CNGB1: variants seen among roughly 807,000 people sequenced by gnomAD.
The protein encoded by CNGB1 is cyclic nucleotide gated channel subunit beta 1.
A neutral mutation model predicts 151.7 loss-of-function variants in CNGB1; 126 were observed. That is an observed-to-expected ratio of 0.83 (90% confidence interval 0.72 to 0.96). CNGB1 has a LOEUF of 0.96. CNGB1 is among the 40% of genes least tolerant of loss of function. The probability of loss-of-function intolerance (pLI) is 0.00; values close to 1 mark genes in which losing one functional copy is unlikely to be tolerated. For synonymous variants in CNGB1, 623 were observed against 635.1 expected (o/e 0.98, Z 0.29); for missense variants, 1,698 against 1,627.0 (o/e 1.04, Z -0.75).
In CNGB1 at chr16:57,963,069, G is replaced by A. The variant is rs372308762; in HGVS notation, c.291-5C>T. On this transcript the variant is annotated splice_polypyrimidine_tract_variant and splice_region_variant and intron_variant, in intron 4 of 32. Transcript: ENST00000251102. ...GTCAGTACCCTGCGGCTGGGACTGCGATGGACAGAGACACCAGCCCGCCCT... is the reference window on the plus strand; with the variant it reads ...GTCAGTACCCTGCGGCTGGGACTGCAATGGACAGAGACACCAGCCCGCCCT... The A allele has an allele frequency of 3.5e-5, 57 of 1,607,220 alleles. No individual in the cohort carries two copies. Among genetic ancestry groups the A allele is most frequent in the Admixed American group, 8.3e-5 (5 of 59,998 alleles).
At position 57,883,440 on chromosome 16, in the gene CNGB1, CTT is replaced by C. The variant is rs1308339112; in HGVS notation, c.*722_*723del. 6.5e-6 allele frequency: 1 copy of C among 153,530 alleles called. No individual in the cohort carries two copies. Among genetic ancestry groups the C allele is most frequent in the Non-Finnish European group, 1.4e-5 (1 of 69,134 alleles). The allele number at this position is 153,530 out of a possible 1,614,324, so 9.5% of individuals were successfully genotyped here. A position where few individuals can be genotyped will look rare whatever the true frequency, so the allele number is the denominator to read the frequency against. On this transcript the variant is annotated 3_prime_UTR_variant, in exon 33 of 33. Transcript: ENST00000251102. Reference sequence around the variant, plus strand: ...GATGTGAACCACTGTGCAGGGCTATCTTTTAGTTTTTTTGAGACAGGGTCTCA... The same window carrying C: ...GATGTGAACCACTGTGCAGGGCTATCTTAGTTTTTTTGAGACAGGGTCTCA...
intron 14 of CNGB1, among the ~76,000 whole-genome samples, chr16:57,947,809 C>A (rs1567391210): frequency 6.6e-6 from 1 of 152,210 alleles, no homozygotes; most frequent in Admixed American, 6.5e-5. Context: ...GGGGCACTTA[C>A]TCCCCTACAA....
Position 57,904,927 on chromosome 16 carries a change from G to GT in CNGB1, c.2493-53_2493-52insA, listed in dbSNP as rs148084761. 1,859 of 1,610,726 alleles carry GT rather than the reference G, an allele frequency of 1.2e-3. 7 individuals are homozygous for GT. The highest frequency in any genetic ancestry group is 0.01 in the East Asian group (465 of 44,862). ...GGGTCATCACAGGCCCCACTCTGCC[G>GT]CCCCGAGCAGTCTGGCTCAGACGCC... is the stretch of plus-strand genomic sequence containing the variant. On this transcript the variant is annotated intron_variant, in intron 25 of 32. Coordinates refer to ENST00000251102, the MANE Select transcript of CNGB1 (RefSeq NM_001297.5).
At chr16:57,948,292 C>A (rs1009298967) in intron 14 of CNGB1, among the ~76,000 whole-genome samples, 1 of 150,348 alleles carries the variant, frequency 6.7e-6, no homozygotes, top group African/African-American at 2.5e-5. Context: ...GCTTTTGAGG[C>A]AGTCCTTCTT....
At chr16:57,944,743 T>C (rs1439623041) in intron 14 of CNGB1, among the ~76,000 whole-genome samples, 1 of 151,038 alleles carries the variant, frequency 6.6e-6, no homozygotes, top group Non-Finnish European at 1.5e-5. Context: ...TCACTTGAGG[T>C]CAGAAGTTTG....
intron 12 of CNGB1, chr16:57,954,603 G>T: frequency 1.1e-6 from 1 of 880,226 alleles, no homozygotes; most frequent in Non-Finnish European, 1.4e-6. Flanking sequence ...GGGCTATTCA[G>T]TCCACCCACT....
intron 14 of CNGB1, among the ~76,000 whole-genome samples, chr16:57,947,231 A>G (rs1961832468): frequency 6.6e-6 from 1 of 152,246 alleles, no homozygotes; most frequent in Non-Finnish European, 1.5e-5. Flanking sequence ...CTGCACATGC[A>G]TGTATGTGAG....
rs528924723 is a variant in CNGB1, at chr16:57,938,047, C to T, written c.1372+1383G>A. Among the ~76,000 whole-genome samples, 10 of 152,290 alleles carry T rather than the reference C, an allele frequency of 6.6e-5. No individual in the cohort carries two copies. In the South Asian group the frequency reaches 1.5e-3, roughly 22 times the overall value. ...AGTCTGATTTAGCAGGTCTGGATCG[C>T]GGCCCAAGTTACTCATTTCTAACCA... On this transcript the variant is annotated intron_variant, in intron 16 of 32. Coordinates refer to ENST00000251102, the MANE Select transcript of CNGB1 (RefSeq NM_001297.5).
At chr16:57,888,386 T>G (rs1174172692) in intron 31 of CNGB1, among the ~76,000 whole-genome samples, 1 of 152,134 alleles carries the variant, frequency 6.6e-6, no homozygotes, top group Non-Finnish European at 1.5e-5. Context: ...TTCCTTCCTT[T>G]CTGTCTCTCT....
intron 8 of CNGB1, 115 bp downstream of exon 8, chr16:57,960,725 C>T: frequency 2.3e-6 from 3 of 1,327,412 alleles, no homozygotes; most frequent in East Asian, 2.5e-5. Context: ...GGGGCATCGC[C>T]CCCTCATGAG....
At chr16:57,949,526 C>T in intron 13 of CNGB1, 87 bp from the exon 14 acceptor site, 1 of 1,597,042 alleles carries the variant, frequency 6.3e-7, no homozygotes, top group East Asian at 2.2e-5. Flanking sequence ...GTAGGATGTC[C>T]CATGACACCT....
rs773706878 is a variant in CNGB1, at chr16:57,967,243, G to C, written c.44C>G (p.Thr15Ser). The change falls in exon 2 of 33, where the codon ACC (threonine) becomes AGC (serine). Residue 15 changes from threonine (T) to serine (S), a missense_variant. By Grantham distance (58) the Thr-to-Ser change is moderately conservative. Coordinates refer to ENST00000251102, the MANE Select transcript of CNGB1 (RefSeq NM_001297.5). ...CTCCTGCATCTTGGTCTTCCGAGGG[G>C]TCCCTGGGGGCTGAGGCAGCACCCT... is the stretch of plus-strand genomic sequence containing the variant. Reference protein sequence around the residue: ...VQRVLPQPPGTPRKTKMQEEE... With the variant: ...VQRVLPQPPGSPRKTKMQEEE... 2 of 1,614,146 alleles carry C rather than the reference G, an allele frequency of 1.2e-6. No individual in the cohort carries two copies. Among genetic ancestry groups the C allele is most frequent in the South Asian group, 2.2e-5 (2 of 91,074 alleles).
chr16:57,933,431 T>C (rs2149373005), intron 16 of CNGB1, among the ~76,000 whole-genome samples: 1 of 152,316 alleles, frequency 6.6e-6, no homozygotes, highest in Middle Eastern at 3.4e-3. Flanking sequence ...TCCCACATTC[T>C]GAGAATCAGG....
chr16:57,897,691 G>A, intron 30 of CNGB1, 105 bp downstream of exon 30: 3 of 1,512,832 alleles, frequency 2.0e-6, no homozygotes, highest in Non-Finnish European at 2.8e-6. Context: ...ATCAGCAGGT[G>A]CCAGTGCTGC....
intron 12 of CNGB1, chr16:57,955,468 A>C: frequency 1.0e-6 from 1 of 990,152 alleles, no homozygotes; most frequent in South Asian, 1.4e-5. Context: ...GGGGAAGGTA[A>C]GGGACACATA....
rs561430118 is a variant in CNGB1 at position 57,884,181 on chromosome 16, C to T, written c.3739G>A (p.Glu1247Lys). The change falls in exon 33 of 33, where the codon GAG (glutamate) becomes AAG (lysine). Residue 1247 changes from glutamate to lysine, a missense_variant. Physicochemically the swap from Glu to Lys is moderately conservative, Grantham distance 56 (BLOSUM62 1). Coordinates refer to ENST00000251102, the MANE Select transcript of CNGB1 (RefSeq NM_001297.5). The part of the protein sequence containing the change: ...ILSVKMPEER[E>K]EKAE ...ACCCCACCTTACTCCGCCTTCTCCTCCCTTTCCTCCGGCATCTTCACCGAC... is the reference window on the plus strand; with the variant it reads ...ACCCCACCTTACTCCGCCTTCTCCTTCCTTTCCTCCGGCATCTTCACCGAC... 6.2e-7 allele frequency: 1 copy of T among 1,614,068 alleles called. No homozygotes were observed. The highest frequency in any genetic ancestry group is 8.5e-7 in the Non-Finnish European group (1 of 1,179,932).
Position 57,887,880 on chromosome 16 carries a change from G to A in CNGB1, c.3437C>T (p.Ala1146Val). 1 of 1,614,160 alleles carries A rather than the reference G, an allele frequency of 6.2e-7. No individual in the cohort carries two copies. Among genetic ancestry groups the A allele is most frequent in the Non-Finnish European group, 8.5e-7 (1 of 1,180,032 alleles). The change falls in exon 32 of 33, where the codon GCA becomes GTA. Residue 1146 changes from alanine to valine, a missense_variant. Ala to Val is a moderately conservative substitution (Grantham distance 64, BLOSUM62 0). Transcript: ENST00000251102. ...LKELAALEAA[A>V]KQQELVEQAK... ...CTGTTCCACCAACTCTTGCTGCTTT[G>A]CAGCCGCCTCCAGCGCGGCCAGTTC... is the stretch of plus-strand genomic sequence containing the variant.
At chr16:57,890,781 A>G (rs1242596652) in intron 31 of CNGB1, among the ~76,000 whole-genome samples, 1 of 152,064 alleles carries the variant, frequency 6.6e-6, no homozygotes, top group African/African-American at 2.4e-5. Flanking sequence ...CCCCGGGACT[A>G]TGGTTCTCAG....
chr16:57,913,088 C>A, intron 23 of CNGB1, 94 bp from the exon 24 acceptor site: 1 of 1,174,272 alleles, frequency 8.5e-7, no homozygotes, highest in East Asian at 2.4e-5. Flanking sequence ...GCTCTTCCTG[C>A]AGCCCCCAGG....
Sources: gnomAD v4.1 joint callset for allele counts (sites outside exome capture counted in the v4.1 genomes callset) on GRCh38, gnomAD v4.1.1 for gene constraint, MANE v1.5 for transcripts, NCBI Gene and HGNC (gene_info 2026-07-23, HGNC 2026-07-21) for gene names.